Variants in AGAP1 observed in about 807,000 individuals in gnomAD.
AGAP1 encodes ArfGAP with GTPase domain, ankyrin repeat and PH domain 1, also known as arf-GAP with GTPase, ANK repeat and PH domain-containing protein 1.
Under a neutral mutation model 105.3 loss-of-function variants are expected in AGAP1, and 29 were observed. That is an observed-to-expected ratio of 0.28 (90% CI 0.21 to 0.38). AGAP1 has a LOEUF of 0.38. Ranked by LOEUF, AGAP1 falls within the 10% of genes least tolerant of loss-of-function variation. The probability of loss-of-function intolerance (pLI) is 1.00; values close to 1 mark genes in which losing one functional copy is unlikely to be tolerated. For missense variants in AGAP1, 998 were observed against 1,165.1 expected (o/e 0.86, Z 2.09); for synonymous variants, 509 against 485.9 (o/e 1.05, Z -0.63).
chr2:235,840,139 G>A (rs1291071866), intron 9 of AGAP1, among the ~76,000 whole-genome samples: 1 of 152,178 alleles, frequency 6.6e-6, no homozygotes, highest in Non-Finnish European at 1.5e-5. Flanking sequence ...TTACAGTTAG[G>A]GGAGTTAGGG....
intron 1 of AGAP1, among the ~76,000 whole-genome samples, chr2:235,682,797 C>CGTGTGTGTGTGT (rs71064869): frequency 0.026 from 3,917 of 149,534 alleles, 121 homozygotes; most frequent in African/African-American, 0.066. Flanking sequence ...TGTGTGCACA[C>CGTGTGTGTGTGT]GTGTGTGTGT....
intron 13 of AGAP1, among the ~76,000 whole-genome samples, chr2:236,018,114 C>G (rs1397557976): frequency 6.6e-6 from 1 of 152,222 alleles, no homozygotes; most frequent in Non-Finnish European, 1.5e-5. Context: ...TATGATTGCA[C>G]TAATGTACAA....
intron 6 of AGAP1, among the ~76,000 whole-genome samples, chr2:235,794,050 A>G (rs1957125866): frequency 6.6e-6 from 1 of 152,034 alleles, no homozygotes; most frequent in Non-Finnish European, 1.5e-5. Flanking sequence ...CTATTTCTAG[A>G]CCCCAGAAAC....
rs1259840472 is a variant in AGAP1 at position 236,003,298 on chromosome 2, G to A, written c.1646-33263G>A. 6.6e-6 allele frequency among the ~76,000 whole-genome samples: 1 copy of A among 152,132 alleles called. No homozygotes were observed. Among genetic ancestry groups the A allele is most frequent in the Non-Finnish European group, 1.5e-5 (1 of 68,016 alleles). On this transcript the variant is annotated intron_variant, in intron 13 of 17. Transcript: ENST00000304032. This position sits in a 1 kb window ranked among gnomAD's most constrained non-coding sequence, Gnocchi z 4.2. The stretch of plus-strand genomic sequence containing the variant: ...GGCCTCAGGTGATCTGCCTGCCTCA[G>A]CCTCCCAGAGTGCCAGGATTACAAG...
intron 6 of AGAP1, among the ~76,000 whole-genome samples, chr2:235,781,104 A>T (rs1956234084): frequency 6.6e-6 from 1 of 152,190 alleles, no homozygotes; most frequent in African/African-American, 2.4e-5. Context: ...GATTATATTT[A>T]ATCTGGGTAT....
chr2:235,811,595 G>A (rs768845320), intron 9 of AGAP1, among the ~76,000 whole-genome samples: 3 of 152,188 alleles, frequency 2.0e-5, no homozygotes, highest in East Asian at 1.9e-4. Context: ...TCCCTGGTTC[G>A]TGGTTGGACC....
In AGAP1 at chr2:236,010,134, AAAC is replaced by A. The variant is rs2056461027; in HGVS notation, c.1646-26426_1646-26424del. 3.9e-5 allele frequency among the ~76,000 whole-genome samples: 6 copies of A among 152,272 alleles called. No homozygotes were observed. In the South Asian group the frequency reaches 1.0e-3, roughly 26 times the overall value. ...TGTTAGTAAAAAAAAAAAAAACAAA[AAAC>A]TTTTAGAGAAACAAATTAACAAATT... On this transcript the variant is annotated intron_variant, in intron 13 of 17. Transcript: ENST00000304032.
rs557640862 is a variant in AGAP1, at chr2:236,104,619, G to T, written c.2115-15573G>T. 4.1e-4 allele frequency among the ~76,000 whole-genome samples: 63 copies of T among 152,292 alleles called. No individual in the cohort carries two copies. Among genetic ancestry groups the T allele is most frequent in the Admixed American group, 1.6e-3 (24 of 15,298 alleles). ...AGACAAGCGTGCACAGGCCAGGCGC[G>T]GTGGCTCATGCCTGTAATGCCAGCA... On this transcript the variant is annotated intron_variant, in intron 16 of 17. Transcript: ENST00000304032. This position sits in a 1 kb window ranked among gnomAD's most constrained non-coding sequence, Gnocchi z 4.7.
chr2:235,737,014 T>A lies in AGAP1; in HGVS notation c.311-3949T>A, dbSNP rs1952294890. 6.6e-6 allele frequency among the ~76,000 whole-genome samples: 1 copy of A among 152,158 alleles called. No homozygotes were observed. ...GCTCTCCTTCTGTGGTTAAAGTGGTTCAAGTGTAGAAAATGAATTTTAAAG... is the reference window on the plus strand; with the variant it reads ...GCTCTCCTTCTGTGGTTAAAGTGGTACAAGTGTAGAAAATGAATTTTAAAG... On this transcript the variant is annotated intron_variant, in intron 3 of 17. Coordinates refer to ENST00000304032, the MANE Select transcript of AGAP1 (RefSeq NM_001037131.3). The surrounding 1 kb of genome is among the most constrained non-coding windows in gnomAD (Gnocchi z 4.5).
chr2:235,672,490 A>G (rs1948490050), intron 1 of AGAP1, among the ~76,000 whole-genome samples: 1 of 152,210 alleles, frequency 6.6e-6, no homozygotes, highest in South Asian at 2.1e-4. Flanking sequence ...TTTAGAAGGC[A>G]CTGTATTTAA....
chr2:235,730,945 C>T (rs985884346), intron 3 of AGAP1, among the ~76,000 whole-genome samples: 1 of 152,148 alleles, frequency 6.6e-6, no homozygotes, highest in African/African-American at 2.4e-5. Context: ...GAGGTGCATG[C>T]TGAGCCTGCC....
At chr2:235,918,953 G>A (rs1487558247) in intron 11 of AGAP1, among the ~76,000 whole-genome samples, 1 of 152,152 alleles carries the variant, frequency 6.6e-6, no homozygotes, top group Non-Finnish European at 1.5e-5. Context: ...TCAGGGGATG[G>A]CCAGGACCTT....
At chr2:235,946,735 A>G (rs1222431386) in intron 12 of AGAP1, among the ~76,000 whole-genome samples, 2 of 152,146 alleles carry the variant, frequency 1.3e-5, no homozygotes, top group African/African-American at 4.8e-5. Flanking sequence ...AAAGCTGGCC[A>G]TTGAAATCGC....
chr2:235,538,425 C>CTGTGTGTGTG (rs1413280144), intron 1 of AGAP1, among the ~76,000 whole-genome samples: 132 of 28,602 alleles, frequency 4.6e-3, no homozygotes, highest in Admixed American at 4.8e-3. Context: ...ACCTCAGCCA[C>CTGTGTGTGTG]TATGTGTGTG....
chr2:235,589,194 GTTTTTTTTTTTTT>G lies in AGAP1; in HGVS notation c.163+94361_163+94373del, dbSNP rs928149334. 1.8e-4 allele frequency among the ~76,000 whole-genome samples: 11 copies of G among 59,616 alleles called. No homozygotes were observed. In the East Asian group the frequency reaches 3.4e-3, roughly 18 times the overall value. The allele number at this position is 59,616 out of a possible 152,430, so 39.1% of individuals were successfully genotyped here. A position where few individuals can be genotyped will look rare whatever the true frequency, so the allele number is the denominator to read the frequency against. On this transcript the variant is annotated intron_variant, in intron 1 of 17. Coordinates refer to ENST00000304032, the MANE Select transcript of AGAP1 (RefSeq NM_001037131.3). ...CTACCAGTTAATAGCTTATTGTTTT[GTTTTTTTTTTTTT>G]TTTTTTTTTTTTTTTGAGACGGAGT...
rs561921613 is a variant in AGAP1, at chr2:235,807,394, A to T, written c.1050+63A>T. 40 of 1,456,688 alleles carry T rather than the reference A, an allele frequency of 2.7e-5. No individual in the cohort carries two copies. The Admixed American group carries it at 6.9e-4, about 25-fold the overall frequency. The allele number at this position is 1,456,688 out of a possible 1,614,324, so 90.2% of individuals were successfully genotyped here. A position where few individuals can be genotyped will look rare whatever the true frequency, so the allele number is the denominator to read the frequency against. ...AGATACACCTCAGGTCTTCCTGGAG[A>T]TGATGCTGGCTCTCGCACCAAGGTC... On this transcript the variant is annotated intron_variant, in intron 9 of 17. Transcript: ENST00000304032.
At position 235,920,635 on chromosome 2, in the gene AGAP1, A is replaced by C. The variant is rs2052138317; in HGVS notation, c.1325-10130A>C. Reference sequence around the variant, plus strand: ...ACTCACAGAGGGAATGAATGAGCTCAAGCAAAGTGATGCCAACTACAGCAC... The same window carrying C: ...ACTCACAGAGGGAATGAATGAGCTCCAGCAAAGTGATGCCAACTACAGCAC... On this transcript the variant is annotated intron_variant, in intron 11 of 17. Transcript: ENST00000304032. Among the ~76,000 whole-genome samples, 2 of 152,218 alleles carry C rather than the reference A, an allele frequency of 1.3e-5. 1 individual carries two copies. The highest frequency in any genetic ancestry group is 4.1e-4 in the South Asian group (2 of 4,834).
Position 235,893,714 on chromosome 2 carries a change from A to T in AGAP1, c.1155+10265A>T, listed in dbSNP as rs562760613. ...ATTGAGGAGGAGGGCTGTGTTCCCCACAGTCTGCCCAGGGGCTGTCATGTG... is the reference window on the plus strand; with the variant it reads ...ATTGAGGAGGAGGGCTGTGTTCCCCTCAGTCTGCCCAGGGGCTGTCATGTG... On this transcript the variant is annotated intron_variant, in intron 10 of 17. Transcript: ENST00000304032. The surrounding 1 kb of genome is among the most constrained non-coding windows in gnomAD (Gnocchi z 4.7). Among the ~76,000 whole-genome samples, 1 of 152,102 alleles carries T rather than the reference A, an allele frequency of 6.6e-6. No individual in the cohort carries two copies. Among genetic ancestry groups the T allele is most frequent in the South Asian group, 2.1e-4 (1 of 4,824 alleles).
chr2:235,688,402 C>T (rs1350337706), intron 1 of AGAP1, among the ~76,000 whole-genome samples: 1 of 152,136 alleles, frequency 6.6e-6, no homozygotes, highest in Non-Finnish European at 1.5e-5. Context: ...TTTTCATTCT[C>T]TCTGGAAGGT....
Sources: gnomAD v4.1 joint callset for allele counts (sites outside exome capture counted in the v4.1 genomes callset) on GRCh38, gnomAD v4.1.1 for gene constraint, Gnocchi (gnomAD v3.1) non-coding constraint, MANE v1.5 for transcripts, NCBI Gene and HGNC (gene_info 2026-07-23, HGNC 2026-07-21) for gene names.